Variants in CACNA2D3 observed in about 807,000 individuals in gnomAD.
CACNA2D3 encodes calcium voltage-gated channel auxiliary subunit alpha2delta 3.
In CACNA2D3, 60 loss-of-function variants were observed where a neutral mutation model predicts 160.6. The observed-to-expected ratio is 0.37, with a 90% CI of 0.30 to 0.46. CACNA2D3 has a LOEUF of 0.46. Ranked by LOEUF, CACNA2D3 falls within the 20% of genes least tolerant of loss-of-function variation. The probability of loss-of-function intolerance (pLI) is 1.00; values close to 1 mark genes in which losing one functional copy is unlikely to be tolerated. For missense variants in CACNA2D3, 1,205 were observed against 1,365.0 expected (o/e 0.88, Z 1.85); for synonymous variants, 558 against 492.9 (o/e 1.13, Z -1.75).
chr3:54,789,851 G>C (rs778449766), intron 13 of CACNA2D3: 4 of 517,532 alleles, frequency 7.7e-6, no homozygotes, highest in South Asian at 1.4e-5. Flanking sequence ...GGGCTTGAGG[G>C]ATCTCCAGGT....
intron 27 of CACNA2D3, among the ~76,000 whole-genome samples, chr3:54,922,797 C>T (rs140874308): frequency 0.014 from 2,101 of 152,074 alleles, 51 homozygotes; most frequent in African/African-American, 0.047. Context: ...CCTAATTGAC[C>T]ACCTCCCCAA....
At chr3:54,672,992 T>C (rs1407165087) in intron 11 of CACNA2D3, among the ~76,000 whole-genome samples, 1 of 152,202 alleles carries the variant, frequency 6.6e-6, no homozygotes, top group Non-Finnish European at 1.5e-5. Flanking sequence ...GTAAATTTAC[T>C]CTCACATGCC....
At chr3:55,052,072 C>T (rs538150022) in intron 35 of CACNA2D3, among the ~76,000 whole-genome samples, 1 of 152,302 alleles carries the variant, frequency 6.6e-6, no homozygotes, top group Admixed American at 6.5e-5. Flanking sequence ...TTCTGCGTTG[C>T]TCACTCTGGG....
chr3:54,746,111 T>G (rs1701749280), intron 11 of CACNA2D3, among the ~76,000 whole-genome samples: 1 of 152,230 alleles, frequency 6.6e-6, no homozygotes, highest in Admixed American at 6.5e-5. Flanking sequence ...TATAACTGTC[T>G]CCTTTGGAGT....
At chr3:54,147,090 C>T (rs530322716) in intron 2 of CACNA2D3, among the ~76,000 whole-genome samples, 4 of 152,340 alleles carry the variant, frequency 2.6e-5, no homozygotes, top group South Asian at 2.1e-4. Context: ...GAACAGTGCA[C>T]GCCTACCAAA....
intron 2 of CACNA2D3, among the ~76,000 whole-genome samples, chr3:54,132,430 A>C (rs1215396159): frequency 6.6e-6 from 1 of 152,218 alleles, no homozygotes; most frequent in Non-Finnish European, 1.5e-5. Context: ...AAAATTCCAG[A>C]GTGTGTGGCC....
At chr3:54,163,222 A>G (rs1289597576) in intron 2 of CACNA2D3, among the ~76,000 whole-genome samples, 3 of 152,218 alleles carry the variant, frequency 2.0e-5, no homozygotes, top group Non-Finnish European at 4.4e-5. Flanking sequence ...GCTGAGTTAT[A>G]CTGCAGTAAC....
At chr3:54,184,706 T>C (rs1283174142) in intron 2 of CACNA2D3, among the ~76,000 whole-genome samples, 1 of 152,248 alleles carries the variant, frequency 6.6e-6, no homozygotes, top group Non-Finnish European at 1.5e-5. Context: ...ATGAGGTTCT[T>C]CAGTTCTTAT....
At chr3:54,446,473 C>T (rs1416868381) in intron 4 of CACNA2D3, among the ~76,000 whole-genome samples, 1 of 152,196 alleles carries the variant, frequency 6.6e-6, no homozygotes, top group Non-Finnish European at 1.5e-5. Context: ...CCTTCCCACA[C>T]TATGCTGCTG....
intron 12 of CACNA2D3, among the ~76,000 whole-genome samples, chr3:54,763,532 A>C (rs1392927611): frequency 6.6e-6 from 1 of 151,462 alleles, no homozygotes; most frequent in Non-Finnish European, 1.5e-5. Context: ...ACTCACAAAA[A>C]TGAAAAAATA....
chr3:54,884,280 T>G (rs1386363445), intron 21 of CACNA2D3, among the ~76,000 whole-genome samples: 1 of 152,250 alleles, frequency 6.6e-6, no homozygotes, highest in East Asian at 1.9e-4. Flanking sequence ...AGAGCTGACA[T>G]GACATCCCCA....
chr3:54,371,076 A>G (rs35793532), intron 3 of CACNA2D3, among the ~76,000 whole-genome samples: 3,392 of 152,302 alleles, frequency 0.022, 68 homozygotes, highest in Non-Finnish European at 0.033. Context: ...ATGATATTCC[A>G]TTGTATGGAT....
rs560850901 is a variant in CACNA2D3 at position 54,217,694 on chromosome 3, G to A, written c.204+94100G>A. On this transcript the variant is annotated intron_variant, in intron 2 of 37. Coordinates refer to ENST00000474759, the MANE Select transcript of CACNA2D3 (RefSeq NM_018398.3). ...CCAGAAGCTGGAAGGGGTGAGGAATGGATGCTGCTTTGGAGGGAGCCTTTG... is the reference window on the plus strand; with the variant it reads ...CCAGAAGCTGGAAGGGGTGAGGAATAGATGCTGCTTTGGAGGGAGCCTTTG... Among the ~76,000 whole-genome samples, 6 of 152,266 alleles carry A rather than the reference G, an allele frequency of 3.9e-5. No individual in the cohort carries two copies. The South Asian group carries it at 1.2e-3, about 32-fold the overall frequency.
chr3:54,598,293 G>A (rs1441776775), intron 9 of CACNA2D3, among the ~76,000 whole-genome samples: 21 of 97,472 alleles, frequency 2.2e-4, no homozygotes, highest in African/African-American at 8.0e-4. Context: ...GGGCAACAGC[G>A]AGACTCCGTC....
Position 54,969,839 on chromosome 3 carries a change from G to C in CACNA2D3, c.2551G>C (p.Asp851His). ...LDGKCSISCD[D>H]ETVNCYLIDN... Reference sequence around the variant, plus strand: ...TGGCAAATGCTCCATCAGCTGTGATGATGAGGTAAGACGGCCTCCTGGTCC... The same window carrying C: ...TGGCAAATGCTCCATCAGCTGTGATCATGAGGTAAGACGGCCTCCTGGTCC... Residue 851 changes from aspartate to histidine, a missense_variant, in exon 29 of 38, where the codon GAT (aspartate) becomes CAT (histidine). Coordinates refer to ENST00000474759, the MANE Select transcript of CACNA2D3 (RefSeq NM_018398.3). The C allele has an allele frequency of 6.2e-7, 1 of 1,613,376 alleles. No individual in the cohort carries two copies. Among genetic ancestry groups the C allele is most frequent in the African/African-American group, 1.3e-5 (1 of 74,992 alleles).
At chr3:54,973,017 T>A (rs1418960523) in intron 29 of CACNA2D3, among the ~76,000 whole-genome samples, 1 of 152,108 alleles carries the variant, frequency 6.6e-6, no homozygotes, top group Non-Finnish European at 1.5e-5. Context: ...ACTTATATGA[T>A]CATCAATTGT....
At position 54,320,437 on chromosome 3, in the gene CACNA2D3, T is replaced by TA. The variant is rs1276942712; in HGVS notation, c.205-4dup. ...TGTCTTGAATGTTGCCCTCTCTTCTTACAGAAATACAAAGAGTATGAGAAA... is the reference window on the plus strand; with the variant it reads ...TGTCTTGAATGTTGCCCTCTCTTCTTAACAGAAATACAAAGAGTATGAGAAA... On this transcript the variant is annotated splice_region_variant and splice_polypyrimidine_tract_variant and intron_variant, in intron 2 of 37. Coordinates refer to ENST00000474759, the MANE Select transcript of CACNA2D3 (RefSeq NM_018398.3). 6.8e-7 allele frequency: 1 copy of TA among 1,476,008 alleles called. No individual in the cohort carries two copies. Among genetic ancestry groups the TA allele is most frequent in the Admixed American group, 2.0e-5 (1 of 49,244 alleles). The allele number at this position is 1,476,008 out of a possible 1,614,324, so 91.4% of individuals were successfully genotyped here. A position where few individuals can be genotyped will look rare whatever the true frequency, so the allele number is the denominator to read the frequency against.
intron 2 of CACNA2D3, among the ~76,000 whole-genome samples, chr3:54,157,111 GCTTT>G (rs1192876389): frequency 6.6e-6 from 1 of 152,132 alleles, no homozygotes. Context: ...TCTGGTGAGG[GCTTT>G]CTTTCTGGCC....
At chr3:54,630,066 T>C (rs1402769972) in intron 10 of CACNA2D3, among the ~76,000 whole-genome samples, 2 of 152,184 alleles carry the variant, frequency 1.3e-5, no homozygotes, top group Non-Finnish European at 2.9e-5. Flanking sequence ...TTGAACCAAG[T>C]GCGGAGCTTT....
Sources: allele counts gnomAD v4.1 joint callset (sites outside exome capture counted in the v4.1 genomes callset), GRCh38; gene constraint gnomAD v4.1.1; transcripts MANE v1.5; gene names NCBI Gene and HGNC (gene_info 2026-07-23, HGNC 2026-07-21).